The following VPS13A variants were observed in gnomAD, a reference collection of about 807,000 sequenced individuals.
The protein encoded by VPS13A is vacuolar protein sorting 13 homolog A.
A neutral mutation model predicts 390.9 loss-of-function variants in VPS13A; 264 were observed. The ratio of observed to expected loss-of-function variants is 0.68; its 90% CI spans 0.61 to 0.75. The LOEUF is 0.75. VPS13A is among the 30% of genes least tolerant of loss of function. VPS13A has a pLI of 0.00. For missense variants in VPS13A, 3,409 were observed against 3,733.9 expected, an observed-to-expected ratio of 0.91 and a Z score of 2.27; for synonymous variants, 1,231 against 1,227.1, an observed-to-expected ratio of 1.00 and a Z score of -0.07.
intron 62 of VPS13A, 104 bp downstream of exon 62, chr9:77,368,240 AT>A (rs1333437061): frequency 2.3e-6 from 2 of 883,974 alleles, no homozygotes; most frequent in Non-Finnish European, 3.6e-6. Flanking sequence ...CTAAATAGCC[AT>A]TTTCAAATTA....
At chr9:77,332,941 A>G (rs187778310) in intron 46 of VPS13A, among the ~76,000 whole-genome samples, 6 of 152,330 alleles carry the variant, frequency 3.9e-5, no homozygotes, top group East Asian at 1.9e-4. Flanking sequence ...ACAATCTAGC[A>G]GTTTTAGGCA....
chr9:77,223,254 C>T (rs1327720150), intron 13 of VPS13A, among the ~76,000 whole-genome samples: 2 of 152,124 alleles, frequency 1.3e-5, no homozygotes, highest in Admixed American at 6.6e-5. Flanking sequence ...GCTTGGGCCT[C>T]CTTATTCCAT....
At chr9:77,205,660 C>T (rs924699139) in intron 4 of VPS13A, among the ~76,000 whole-genome samples, 3 of 151,890 alleles carry the variant, frequency 2.0e-5, no homozygotes, top group African/African-American at 4.8e-5. Flanking sequence ...GGCACCATCT[C>T]AGCTCACTGC....
At position 77,319,601 on chromosome 9, in the gene VPS13A, A is replaced by T. The variant is rs1004435955; in HGVS notation, c.5343A>T (p.Val1781=). 2 of 1,611,178 alleles carry T rather than the reference A, an allele frequency of 1.2e-6. No individual in the cohort carries two copies. Among genetic ancestry groups the T allele is most frequent in the African/African-American group, 1.3e-5 (1 of 74,846 alleles). The change falls in exon 42 of 72, where the codon GTA becomes GTT. Residue 1781 remains valine, a synonymous_variant. Transcript: ENST00000360280. ...ATTATTATAATGAAATGTTTGGTGT[A>T]TGGGAGCCTTTGCTTGAACCCTTAG... is the stretch of plus-strand genomic sequence containing the variant. ...EVHYYNEMFG[V]WEPLLEPLEI... is the part of the protein sequence containing the mutation.
chr9:77,282,220 G>C lies in VPS13A; in HGVS notation c.3064G>C (p.Ala1022Pro), dbSNP rs756094356. ...NILPQSEEKS[A>P]PVSTTETEDK... ...CCTTCCGCAATCAGAGGAAAAATCA[G>C]CCCCAGTGTCCACTACAGAGACTGA... Residue 1022 changes from alanine to proline, a missense_variant, in exon 29 of 72, where the codon GCC (alanine) becomes CCC (proline). Ala to Pro is a conservative substitution (Grantham distance 27). Transcript: ENST00000360280. 8 of 1,613,214 alleles carry C rather than the reference G, an allele frequency of 5.0e-6. No individual in the cohort carries two copies. The African/African-American group carries it at 9.4e-5, about 19-fold the overall frequency.
intron 46 of VPS13A, among the ~76,000 whole-genome samples, chr9:77,332,913 A>T (rs1406902449): frequency 6.6e-6 from 1 of 152,222 alleles, no homozygotes; most frequent in African/African-American, 2.4e-5. Flanking sequence ...TCAGAATGGG[A>T]TCCTCAATGC....
intron 68 of VPS13A, among the ~76,000 whole-genome samples, chr9:77,393,638 C>T (rs1333200044): frequency 1.3e-5 from 2 of 152,236 alleles, no homozygotes; most frequent in Non-Finnish European, 2.9e-5. Flanking sequence ...CGTACATCTT[C>T]ATCAGAGCTC....
At chr9:77,230,265 T>C (rs1823752732) in intron 17 of VPS13A, among the ~76,000 whole-genome samples, 1 of 152,114 alleles carries the variant, frequency 6.6e-6, no homozygotes, top group Admixed American at 6.6e-5. Flanking sequence ...TTTTTTTTGC[T>C]ACACATGCTT....
intron 62 of VPS13A, among the ~76,000 whole-genome samples, chr9:77,368,522 G>C (rs567314641): frequency 2.0e-5 from 3 of 152,106 alleles, no homozygotes; most frequent in Non-Finnish European, 2.9e-5. Flanking sequence ...TTTTTTAACA[G>C]ATGTTTTTCC....
At chr9:77,393,900 C>G (rs1834006161) in intron 68 of VPS13A, among the ~76,000 whole-genome samples, 1 of 152,056 alleles carries the variant, frequency 6.6e-6, no homozygotes, top group South Asian at 2.1e-4. Context: ...TCCTGAGTAG[C>G]TGGGATTACA....
intron 71 of VPS13A, among the ~76,000 whole-genome samples, chr9:77,409,366 T>A (rs1439293199): frequency 1.3e-5 from 2 of 151,962 alleles, no homozygotes; most frequent in African/African-American, 4.8e-5. Flanking sequence ...GAGCAGAAAA[T>A]CTGGAAACTC....
At chr9:77,367,715 C>T (rs931571592) in intron 61 of VPS13A, among the ~76,000 whole-genome samples, 1 of 152,154 alleles carries the variant, frequency 6.6e-6, no homozygotes, top group Non-Finnish European at 1.5e-5. Flanking sequence ...CAGACATTTT[C>T]TATGTGGGCC....
At chr9:77,300,841 A>G (rs1329433753) in intron 33 of VPS13A, among the ~76,000 whole-genome samples, 2 of 152,252 alleles carry the variant, frequency 1.3e-5, no homozygotes, top group East Asian at 3.8e-4. Flanking sequence ...CATTAATCCA[A>G]CTTGACTGCA....
At chr9:77,302,442 G>A (rs1194669056) in intron 33 of VPS13A, among the ~76,000 whole-genome samples, 5 of 136,076 alleles carry the variant, frequency 3.7e-5, no homozygotes, top group South Asian at 2.3e-4. Context: ...GTGCGATCTC[G>A]GCTCACTGCA....
At chr9:77,406,748 A>AT (rs71356599) in intron 70 of VPS13A, among the ~76,000 whole-genome samples, 4,336 of 151,676 alleles carry the variant, frequency 0.029, 98 homozygotes, top group Non-Finnish European at 0.041. Flanking sequence ...AGAAGAAAGA[A>AT]TGTAATTCTT....
chr9:77,255,338 A>G (rs934512598), intron 22 of VPS13A, among the ~76,000 whole-genome samples: 12 of 152,042 alleles, frequency 7.9e-5, no homozygotes, highest in Admixed American at 3.3e-4. Flanking sequence ...ATTAAATCAT[A>G]TTTCTTGAGT....
At chr9:77,292,558 C>T (rs1019641678) in intron 31 of VPS13A, among the ~76,000 whole-genome samples, 1 of 152,100 alleles carries the variant, frequency 6.6e-6, no homozygotes, top group Admixed American at 6.6e-5. Context: ...CTTTTCAGCC[C>T]TGTCTTGTAC....
Position 77,340,233 on chromosome 9 carries a change from T to TTAAA in VPS13A, c.6831_6832insAAAT (p.Gly2278LysfsTer3), listed in dbSNP as rs775522494. The stretch of plus-strand genomic sequence containing the variant: ...TCCAATCAGTTTTCAATTGATACTG[T>TTAAA]TGGTAGTCATGGAGCTGTTAAATGT... On this transcript the variant is annotated frameshift_variant, in exon 49 of 72. Coordinates refer to ENST00000360280, the MANE Select transcript of VPS13A (RefSeq NM_033305.3). LOFTEE classifies it high-confidence loss of function. 6.2e-7 allele frequency: 1 copy of TTAAA among 1,613,284 alleles called. No homozygotes were observed. The highest frequency in any genetic ancestry group is 1.3e-5 in the African/African-American group (1 of 74,912).
At chr9:77,183,811 C>G (rs1824166620) in intron 1 of VPS13A, among the ~76,000 whole-genome samples, 1 of 152,150 alleles carries the variant, frequency 6.6e-6, no homozygotes, top group Non-Finnish European at 1.5e-5. Flanking sequence ...TTTTTAATAG[C>G]CCCAAATGGG....
Sources: gnomAD v4.1 joint callset for allele counts (sites outside exome capture counted in the v4.1 genomes callset) on GRCh38, gnomAD v4.1.1 for gene constraint, MANE v1.5 for transcripts, NCBI Gene and HGNC (gene_info 2026-07-23, HGNC 2026-07-21) for gene names.